PIEZO1: variants seen among roughly 807,000 people sequenced by gnomAD.
PIEZO1 encodes piezo type mechanosensitive ion channel component 1 (Er blood group), also known as piezo-type mechanosensitive ion channel component 1.
In PIEZO1, 296 loss-of-function variants were observed where a neutral mutation model predicts 297.2. The ratio of observed to expected loss-of-function variants is 1.00; its 90% CI spans 0.91 to 1.10. The LOEUF (loss-of-function observed/expected upper bound fraction) is 1.10, where lower values mean the gene tolerates loss of function less well. Among genes scored for constraint, PIEZO1 ranks in the 50% least tolerant of loss-of-function variants. PIEZO1 has a pLI of 0.00. For synonymous variants in PIEZO1, 2,427 were observed against 1,507.5 expected (o/e 1.61, Z -14.13); for missense variants, 5,018 against 3,455.5 (o/e 1.45, Z -11.34).
intron 2 of PIEZO1, chr16:88,743,435 G>A (rs575445967): frequency 1.8e-4 from 77 of 437,356 alleles, no homozygotes; most frequent in South Asian, 1.1e-3. Context: ...GCCCGGCCAC[G>A]AGAAAGTGCA....
chr16:88,733,184 C>T, intron 19 of PIEZO1, 94 bp downstream of exon 19: 1 of 1,171,518 alleles, frequency 8.5e-7, no homozygotes, highest in Non-Finnish European at 1.2e-6. Context: ...CATTGCTGGC[C>T]CCACTGCACT....
chr16:88,783,294 G>A (rs954787407), intron 1 of PIEZO1, among the ~76,000 whole-genome samples: 1 of 152,240 alleles, frequency 6.6e-6, no homozygotes, highest in Admixed American at 6.5e-5. Context: ...TTTAGGTACA[G>A]CCCATGAACT....
Position 88,723,004 on chromosome 16 carries a change from T to TCCGG in PIEZO1, c.4497_4500dup (p.Ser1501ProfsTer25), listed in dbSNP as rs2142770991. 7.1e-7 allele frequency: 1 copy of TCCGG among 1,400,594 alleles called. No homozygotes were observed. Among genetic ancestry groups the TCCGG allele is most frequent in the East Asian group, 2.7e-5 (1 of 36,452 alleles). 86.8% of individuals were successfully genotyped at this position (1,400,594 alleles called of 1,614,324 possible). On this transcript the variant is annotated frameshift_variant, in exon 34 of 51. Transcript: ENST00000301015. LOFTEE classifies it high-confidence loss of function. ...CTCAGCACCCTCTGCACCACATGGC[T>TCCGG]CCGGCCTGCGGGAGGGCGGGAGGGG...
intron 1 of PIEZO1, among the ~76,000 whole-genome samples, chr16:88,766,695 A>T (rs1047578487): frequency 9.2e-5 from 14 of 152,362 alleles, no homozygotes; most frequent in East Asian, 3.9e-4. Flanking sequence ...CAAAGTCATG[A>T]AGCAACCAAG....
At position 88,724,077 on chromosome 16, in the gene PIEZO1, G is replaced by A. The variant is rs144544055; in HGVS notation, c.4235-106C>T. On this transcript the variant is annotated intron_variant, in intron 30 of 50. Coordinates refer to ENST00000301015, the MANE Select transcript of PIEZO1 (RefSeq NM_001142864.4). ...GCCCGAGAGCCACCCTTCCCATGCG[G>A]AGTAGCCGGGAGCAGTGCAGGCACA... The A allele has an allele frequency of 2.6e-4, 180 of 685,950 alleles. No individual in the cohort carries two copies. The African/African-American group carries it at 2.9e-3, about 11-fold the overall frequency. The allele number at this position is 685,950 out of a possible 1,614,324, so 42.5% of individuals were successfully genotyped here.
Position 88,742,391 on chromosome 16 carries a change from C to G in PIEZO1, c.192G>C (p.Leu64=). 1 of 1,535,292 alleles carries G rather than the reference C, an allele frequency of 6.5e-7. No individual in the cohort carries two copies. The highest frequency in any genetic ancestry group is 8.7e-7 in the Non-Finnish European group (1 of 1,146,672). The part of the protein sequence containing the change: ...GHTGRLLRAL[L]GLSLLFLVAH... ...CCACCAGGAAGAGCAGGCTGAGGCCCAGCAATGCCCGCAGGAGGCGGCCTG... is the reference window on the plus strand; with the variant it reads ...CCACCAGGAAGAGCAGGCTGAGGCCGAGCAATGCCCGCAGGAGGCGGCCTG... The change falls in exon 3 of 51, where the codon CTG becomes CTC. Residue 64 remains leucine (L), a synonymous_variant. Coordinates refer to ENST00000301015, the MANE Select transcript of PIEZO1 (RefSeq NM_001142864.4).
chr16:88,724,957 G>T lies in PIEZO1; in HGVS notation c.4234+52C>A, dbSNP rs563561563. ...ATAGCAGGCCAGGCAGAGGACAGAT[G>T]GGGGCACAGAGGGCCTGAGAGGGTG... On this transcript the variant is annotated intron_variant, in intron 30 of 50. Coordinates refer to ENST00000301015, the MANE Select transcript of PIEZO1 (RefSeq NM_001142864.4). 6,395 of 1,148,862 alleles carry T rather than the reference G, an allele frequency of 5.6e-3. 34 individuals carry two copies. Among genetic ancestry groups the T allele is most frequent in the Admixed American group, 8.6e-3 (256 of 29,888 alleles). 71.2% of individuals were successfully genotyped at this position (1,148,862 alleles called of 1,614,324 possible).
chr16:88,732,910 G>T, intron 19 of PIEZO1, 178 bp from the exon 20 acceptor site: 1 of 637,182 alleles, frequency 1.6e-6, no homozygotes, highest in Non-Finnish European at 2.7e-6. Flanking sequence ...TGAGAAACAG[G>T]GAGACCACGG....
At chr16:88,755,578 G>A (rs1486307576) in intron 1 of PIEZO1, among the ~76,000 whole-genome samples, 1 of 152,228 alleles carries the variant, frequency 6.6e-6, no homozygotes, top group African/African-American at 2.4e-5. Flanking sequence ...CCGTCTGTAA[G>A]TTCCTGCCAG....
chr16:88,723,779 C>T (rs1904302732), intron 31 of PIEZO1, 92 bp downstream of exon 31: 7 of 709,572 alleles, frequency 9.9e-6, no homozygotes, highest in South Asian at 1.7e-5. Flanking sequence ...GGCTCCCAGG[C>T]CCTGGGGGCA....
intron 1 of PIEZO1, among the ~76,000 whole-genome samples, chr16:88,758,043 G>A (rs1230798473): frequency 5.3e-5 from 8 of 152,246 alleles, no homozygotes; most frequent in East Asian, 3.9e-4. Flanking sequence ...AGGGCTAGAC[G>A]AATAGGCCCT....
At chr16:88,742,801 AC>A (rs1905774096) in intron 2 of PIEZO1, 1 of 339,038 alleles carries the variant, frequency 2.9e-6, no homozygotes. Flanking sequence ...GCTCCACCTC[AC>A]CCCAGTGGGG....
intron 31 of PIEZO1, 110 bp from the exon 32 acceptor site, chr16:88,723,438 C>G: frequency 1.6e-6 from 2 of 1,258,618 alleles, no homozygotes; most frequent in East Asian, 2.5e-5. Context: ...CTCTGTGTCT[C>G]CCAGGGACCT....
intron 1 of PIEZO1, among the ~76,000 whole-genome samples, chr16:88,757,228 G>A (rs1231182097): frequency 1.3e-5 from 2 of 150,984 alleles, no homozygotes; most frequent in African/African-American, 2.4e-5. Context: ...TGGAAGACGC[G>A]ATGCATTGAG....
At chr16:88,754,412 G>A (rs1294493775) in intron 1 of PIEZO1, among the ~76,000 whole-genome samples, 1 of 152,322 alleles carries the variant, frequency 6.6e-6, no homozygotes, top group South Asian at 2.1e-4. Context: ...AGGAAGACCT[G>A]CCAGGGGATG....
In PIEZO1 at chr16:88,738,054, G is replaced by C. The variant is rs566585209; in HGVS notation, c.900C>G (p.His300Gln). Reference protein sequence around the residue: ...FVGPTNCSSPHALVLNTGLDW... With the variant: ...FVGPTNCSSPQALVLNTGLDW... Reference sequence around the variant, plus strand: ...CCAGGCCGGTGTTGAGGACCAGCGCGTGGGGGCTGGAGCAGTTGGTGGGAC... The same window carrying C: ...CCAGGCCGGTGTTGAGGACCAGCGCCTGGGGGCTGGAGCAGTTGGTGGGAC... Residue 300 changes from histidine (H) to glutamine (Q), a missense_variant, in exon 8 of 51, where the codon CAC (histidine) becomes CAG (glutamine). Coordinates refer to ENST00000301015, the MANE Select transcript of PIEZO1 (RefSeq NM_001142864.4). 7 of 1,535,810 alleles carry C rather than the reference G, an allele frequency of 4.6e-6. No homozygotes were observed. The highest frequency in any genetic ancestry group is 2.0e-5 in the Admixed American group (1 of 51,004).
intron 22 of PIEZO1, among the ~76,000 whole-genome samples, chr16:88,730,344 G>C (rs991409994): frequency 1.7e-5 from 2 of 119,112 alleles, no homozygotes; most frequent in African/African-American, 6.9e-5. Context: ...GTAATCCCAG[G>C]AGGGAGGCCT....
chr16:88,717,010 C>T lies in PIEZO1; in HGVS notation c.6660+13G>A. 2.6e-6 allele frequency: 4 copies of T among 1,550,116 alleles called. No homozygotes were observed. Among genetic ancestry groups the T allele is most frequent in the Non-Finnish European group, 2.6e-6 (3 of 1,146,702 alleles). The stretch of plus-strand genomic sequence containing the variant: ...GGGGATGGGAATGGACAGGCGGACC[C>T]ACACATGCTCACCTCATAGCCGCCC... On this transcript the variant is annotated intron_variant, in intron 45 of 50. Coordinates refer to ENST00000301015, the MANE Select transcript of PIEZO1 (RefSeq NM_001142864.4).
Position 88,721,632 on chromosome 16 carries a change from G to A in PIEZO1, c.5309C>T (p.Pro1770Leu), listed in dbSNP as rs778513046. ...LRRYENKPYF[P>L]PRILGLEKTD... ...CTTCTCCAGGCCCAGGATGCGGGGC[G>A]GGAAGTAGGGCTTGTTCTCGTAGCG... The change falls in exon 38 of 51, where the codon CCG (proline) becomes CTG (leucine). Residue 1770 changes from proline (P) to leucine (L), a missense_variant. Physicochemically the swap from Pro to Leu is moderately conservative, Grantham distance 98. Coordinates refer to ENST00000301015, the MANE Select transcript of PIEZO1 (RefSeq NM_001142864.4). 2.0e-4 allele frequency: 303 copies of A among 1,550,056 alleles called. 1 individual carries two copies. The highest frequency in any genetic ancestry group is 2.4e-4 in the South Asian group (20 of 84,066).
Sources: gnomAD v4.1 joint callset for allele counts (sites outside exome capture counted in the v4.1 genomes callset) on GRCh38, gnomAD v4.1.1 for gene constraint, MANE v1.5 for transcripts, NCBI Gene and HGNC (gene_info 2026-07-23, HGNC 2026-07-21) for gene names.